The following ASH1L variants were observed in gnomAD, a reference collection of about 807,000 sequenced individuals.
The protein encoded by ASH1L is histone-lysine N-methyltransferase ASH1L.
Under a neutral mutation model 269.0 loss-of-function variants are expected in ASH1L, and 23 were observed. The observed-to-expected ratio is 0.09, with a 90% CI of 0.06 to 0.12. ASH1L has a LOEUF of 0.12. Ranked by LOEUF, ASH1L falls within the 10% of genes least tolerant of loss-of-function variation. ASH1L has a pLI of 1.00. For missense variants in ASH1L, 2,912 were observed against 3,567.8 expected (o/e 0.82, Z 4.68); for synonymous variants, 1,187 against 1,253.5 (o/e 0.95, Z 1.12).
chr1:155,346,123 C>T (rs970317185), intron 21 of ASH1L: 5 of 1,345,160 alleles, frequency 3.7e-6, no homozygotes, highest in East Asian at 4.2e-5. Flanking sequence ...CATGAGCGAC[C>T]GTGCCCGGCC....
At chr1:155,357,273 A>T in intron 15 of ASH1L, 43 bp downstream of exon 15, 1 of 1,496,668 alleles carries the variant, frequency 6.7e-7, no homozygotes, top group South Asian at 1.2e-5. Context: ...ATAAGCAATC[A>T]TGTAACTTAC....
chr1:155,346,149 A>G, intron 21 of ASH1L: 1 of 1,415,124 alleles, frequency 7.1e-7, no homozygotes, highest in Non-Finnish European at 9.4e-7. Context: ...CCTTAGTTTT[A>G]TATAGTGCCA....
chr1:155,462,610 TGAGA>T (rs1054910175), intron 3 of ASH1L, among the ~76,000 whole-genome samples: 17 of 152,162 alleles, frequency 1.1e-4, no homozygotes, highest in African/African-American at 1.9e-4. Flanking sequence ...CTGAAACAAT[TGAGA>T]GAGAGATGGC....
chr1:155,515,995 C>G (rs1668478514), intron 2 of ASH1L, among the ~76,000 whole-genome samples: 1 of 152,070 alleles, frequency 6.6e-6, no homozygotes, highest in South Asian at 2.1e-4. Flanking sequence ...CCTGATGGCA[C>G]TTTATCATCA....
At chr1:155,371,027 T>C (rs1655898220) in intron 10 of ASH1L, 44 bp from the exon 11 acceptor site, 13 of 1,523,960 alleles carry the variant, frequency 8.5e-6, no homozygotes, top group Admixed American at 3.9e-5. Flanking sequence ...ACATGATACA[T>C]ACCTTGATGC....
chr1:155,375,333 A>G (rs1025470383), intron 10 of ASH1L, among the ~76,000 whole-genome samples: 1 of 152,242 alleles, frequency 6.6e-6, no homozygotes, highest in African/African-American at 2.4e-5. Context: ...CAACCAGAAT[A>G]AGTCCTTAAA....
At chr1:155,551,604 G>A (rs748096131) in intron 1 of ASH1L, among the ~76,000 whole-genome samples, 2 of 144,396 alleles carry the variant, frequency 1.4e-5, no homozygotes, top group Non-Finnish European at 3.0e-5. Flanking sequence ...AGCTTGCAGT[G>A]AGCCGAGATC....
At chr1:155,460,441 C>T (rs1433108692) in intron 3 of ASH1L, among the ~76,000 whole-genome samples, 4 of 152,062 alleles carry the variant, frequency 2.6e-5, no homozygotes. Flanking sequence ...AACCCTGCCT[C>T]TACTAAGAAT....
chr1:155,540,518 C>T (rs993476306), intron 1 of ASH1L, among the ~76,000 whole-genome samples: 2 of 152,076 alleles, frequency 1.3e-5, no homozygotes, highest in African/African-American at 2.4e-5. Flanking sequence ...ACCTGTAATC[C>T]CAGCACTTTG....
At chr1:155,390,655 C>CT (rs910971823) in intron 7 of ASH1L, among the ~76,000 whole-genome samples, 2 of 91,392 alleles carry the variant, frequency 2.2e-5, no homozygotes, top group Non-Finnish European at 4.5e-5. Context: ...TTTTTTCTTT[C>CT]TTTTTTTTGA....
chr1:155,404,538 G>A (rs924013026), intron 6 of ASH1L, among the ~76,000 whole-genome samples: 3 of 152,124 alleles, frequency 2.0e-5, no homozygotes, highest in African/African-American at 4.8e-5. Context: ...TTAGCTAGAT[G>A]TGGTGACGAT....
At chr1:155,443,979 CTTTTTTT>C (rs60206113) in intron 4 of ASH1L, among the ~76,000 whole-genome samples, 9 of 105,768 alleles carry the variant, frequency 8.5e-5, no homozygotes, top group African/African-American at 2.0e-4. Flanking sequence ...ATTACTAAAT[CTTTTTTT>C]TTTTTTTTTT....
chr1:155,355,915 G>GT (rs113937426), intron 15 of ASH1L, among the ~76,000 whole-genome samples: 5,726 of 115,856 alleles, frequency 0.049, 136 homozygotes, highest in Middle Eastern at 0.12. Flanking sequence ...CAGGTATTCT[G>GT]TTTTTTTTTT....
At chr1:155,499,259 T>C (rs1454549478) in intron 2 of ASH1L, among the ~76,000 whole-genome samples, 4 of 152,194 alleles carry the variant, frequency 2.6e-5, no homozygotes, top group Non-Finnish European at 4.4e-5. Context: ...CTTCTTGCTA[T>C]ATAATTTAAG....
At chr1:155,338,474 G>A (rs1409632009) in intron 26 of ASH1L, 84 bp from the exon 27 acceptor site, 2 of 1,284,654 alleles carry the variant, frequency 1.6e-6, no homozygotes, top group African/African-American at 3.0e-5. Flanking sequence ...GATGGCTTGA[G>A]ATCCTGGAGT....
At chr1:155,548,907 T>C (rs536057929) in intron 1 of ASH1L, among the ~76,000 whole-genome samples, 10 of 152,278 alleles carry the variant, frequency 6.6e-5, no homozygotes, top group Admixed American at 2.6e-4. Context: ...TCTCAAACCC[T>C]GTACAGTCAG....
intron 2 of ASH1L, among the ~76,000 whole-genome samples, chr1:155,510,763 T>TTTTGGAGACAG (rs1668112458): frequency 6.6e-6 from 1 of 152,170 alleles, no homozygotes; most frequent in Non-Finnish European, 1.5e-5. Context: ...ACATTTTTTT[T>TTTTGGAGACAG]TTTGGAGACA....
chr1:155,354,963 A>G (rs73008924), intron 15 of ASH1L, among the ~76,000 whole-genome samples: 271 of 152,318 alleles, frequency 1.8e-3, no homozygotes, highest in African/African-American at 6.3e-3. Flanking sequence ...TATAACAAGG[A>G]GAACTGGACT....
intron 5 of ASH1L, among the ~76,000 whole-genome samples, chr1:155,426,286 T>G (rs1661148501): frequency 6.6e-6 from 1 of 151,810 alleles, no homozygotes; most frequent in African/African-American, 2.4e-5. Flanking sequence ...CCCAGGCTGG[T>G]CTCGAACTCC....
Sources: allele counts gnomAD v4.1 joint callset (sites outside exome capture counted in the v4.1 genomes callset), GRCh38; gene constraint gnomAD v4.1.1; transcripts MANE v1.5; gene names NCBI Gene and HGNC (gene_info 2026-07-23, HGNC 2026-07-21).